The following TMEM178B variants were observed in gnomAD, a reference collection of about 807,000 sequenced individuals.
TMEM178B encodes transmembrane protein 178B.
A neutral mutation model predicts 31.0 loss-of-function variants in TMEM178B; 5 were observed. The ratio of observed to expected loss-of-function variants is 0.16; its 90% CI spans 0.08 to 0.34. TMEM178B has a LOEUF of 0.34. Among genes scored for constraint, TMEM178B ranks in the 10% least tolerant of loss-of-function variants. TMEM178B has a pLI of 1.00. For missense variants in TMEM178B, 275 were observed against 400.3 expected (o/e 0.69, Z 2.67); for synonymous variants, 164 against 164.0 (o/e 1.00, Z 0.00).
At position 141,395,314 on chromosome 7, in the gene TMEM178B, G is replaced by A. The variant is rs569279385; in HGVS notation, c.497-42294G>A. ...AAATTATCCACACTTGGTGATGAGT[G>A]CCTGTAGTCCCAGCCACTTGGGAGG... On this transcript the variant is annotated intron_variant, in intron 2 of 3. Transcript: ENST00000565468. 8.5e-4 allele frequency among the ~76,000 whole-genome samples: 130 copies of A among 152,252 alleles called. 1 individual carries two copies. Among genetic ancestry groups the A allele is most frequent in the African/African-American group, 2.9e-3 (119 of 41,558 alleles).
intron 2 of TMEM178B, among the ~76,000 whole-genome samples, chr7:141,402,884 A>G (rs1332050749): frequency 6.6e-6 from 1 of 152,226 alleles, no homozygotes; most frequent in African/African-American, 2.4e-5. Flanking sequence ...GTGGATACTT[A>G]GCTTTCCTTT....
chr7:141,487,741 CAAA>C, the TMEM178B span, among the ~76,000 whole-genome samples: 2,241 of 29,728 alleles, frequency 0.075, 19 homozygotes, highest in African/African-American at 0.16. Context: ...GACTCCGTCT[CAAA>C]AAAAAAAAAA....
intron 1 of TMEM178B, among the ~76,000 whole-genome samples, chr7:141,138,601 C>T (rs1563097625): frequency 6.6e-6 from 1 of 151,406 alleles, no homozygotes; most frequent in Admixed American, 6.6e-5. Flanking sequence ...TAATGCTGGA[C>T]TTGGGAAGCA....
At chr7:141,251,151 T>C (rs548642776) in intron 2 of TMEM178B, among the ~76,000 whole-genome samples, 1 of 152,042 alleles carries the variant, frequency 6.6e-6, no homozygotes, top group Admixed American at 6.5e-5. Context: ...CTCCTTCATC[T>C]CAAGAGGCTC....
chr7:141,446,058 G>T lies in TMEM178B; in HGVS notation c.634+8313G>T, dbSNP rs554223183. On this transcript the variant is annotated intron_variant, in intron 3 of 3. Transcript: ENST00000565468. The stretch of plus-strand genomic sequence containing the variant: ...GAGGGGGTAAGTCATGTCACTAAAA[G>T]ACATTTGAGGGAGAAGACACATTGT... Among the ~76,000 whole-genome samples the T allele has an allele frequency of 2.0e-5, 3 of 152,320 alleles. 1 individual carries two copies. Among genetic ancestry groups the T allele is most frequent in the African/African-American group, 7.2e-5 (3 of 41,570 alleles).
intron 2 of TMEM178B, among the ~76,000 whole-genome samples, chr7:141,334,564 G>A (rs552283848): frequency 6.6e-6 from 1 of 152,286 alleles, no homozygotes; most frequent in Admixed American, 6.5e-5. Flanking sequence ...ACACAACCAA[G>A]TTCCTTGGGA....
intron 2 of TMEM178B, among the ~76,000 whole-genome samples, chr7:141,388,233 A>G (rs1241712092): frequency 3.9e-5 from 6 of 152,188 alleles, no homozygotes; most frequent in Non-Finnish European, 8.8e-5. Context: ...CCAGAATGCC[A>G]GGCTCATCGT....
At chr7:141,354,071 AT>A (rs1799778828) in intron 2 of TMEM178B, among the ~76,000 whole-genome samples, 1 of 152,218 alleles carries the variant, frequency 6.6e-6, no homozygotes, top group African/African-American at 2.4e-5. Flanking sequence ...GCATCTGATT[AT>A]TTGCAAAGCA....
At chr7:141,302,067 G>A (rs957336628) in intron 2 of TMEM178B, among the ~76,000 whole-genome samples, 3 of 152,172 alleles carry the variant, frequency 2.0e-5, no homozygotes, top group African/African-American at 7.2e-5. Context: ...TCTGGAGATG[G>A]CTGATGGTGA....
the TMEM178B span, among the ~76,000 whole-genome samples, chr7:141,504,108 C>T: frequency 1.3e-5 from 2 of 152,186 alleles, no homozygotes; most frequent in African/African-American, 4.8e-5. Flanking sequence ...TTCCTCCCTC[C>T]TGATTTTTAC....
chr7:141,154,116 A>T (rs188219763), intron 1 of TMEM178B, among the ~76,000 whole-genome samples: 82 of 152,330 alleles, frequency 5.4e-4, no homozygotes, highest in Admixed American at 5.2e-3. Context: ...ACCATCTGAG[A>T]TTTATTTTTA....
At chr7:141,229,099 TG>T (rs757563862) in intron 2 of TMEM178B, among the ~76,000 whole-genome samples, 32 of 81,188 alleles carry the variant, frequency 3.9e-4, no homozygotes, top group South Asian at 3.1e-4. Context: ...TGTGTGTGTG[TG>T]GTGTGTGTGT....
intron 2 of TMEM178B, among the ~76,000 whole-genome samples, chr7:141,317,843 G>T (rs2366081): frequency 0.33 from 50,008 of 152,002 alleles, 10,190 homozygotes; most frequent in African/African-American, 0.57. Context: ...AGTCTCAATT[G>T]TTTTGATGTA....
intron 2 of TMEM178B, among the ~76,000 whole-genome samples, chr7:141,340,759 G>T (rs1799503623): frequency 6.6e-6 from 1 of 152,184 alleles, no homozygotes; most frequent in Admixed American, 6.5e-5. Flanking sequence ...CTGATCGTTT[G>T]GTGGGTCATT....
chr7:141,084,300 G>T (rs762947030), intron 1 of TMEM178B, among the ~76,000 whole-genome samples: 1 of 152,190 alleles, frequency 6.6e-6, no homozygotes, highest in Non-Finnish European at 1.5e-5. Flanking sequence ...GAAAACTAAT[G>T]AATACATCCC....
At chr7:141,325,812 G>T (rs944710124) in intron 2 of TMEM178B, among the ~76,000 whole-genome samples, 1 of 124,572 alleles carries the variant, frequency 8.0e-6, no homozygotes, top group African/African-American at 3.7e-5. Context: ...AGTCATGGAA[G>T]ACAGCCCTGG....
chr7:141,370,389 G>A (rs532236874), intron 2 of TMEM178B, among the ~76,000 whole-genome samples: 25 of 152,308 alleles, frequency 1.6e-4, no homozygotes, highest in African/African-American at 6.0e-4. Context: ...AACCACCCTG[G>A]AACATTGCTG....
intron 2 of TMEM178B, among the ~76,000 whole-genome samples, chr7:141,395,556 A>G (rs1434969228): frequency 1.3e-5 from 2 of 152,034 alleles, no homozygotes; most frequent in African/African-American, 4.8e-5. Flanking sequence ...CTGGTTGGTT[A>G]CTCTCTTCTT....
intron 1 of TMEM178B, among the ~76,000 whole-genome samples, chr7:141,093,759 A>G (rs529427804): frequency 1.3e-5 from 2 of 152,224 alleles, no homozygotes; most frequent in South Asian, 2.1e-4. Context: ...AATGAAGAAA[A>G]TATGTTAAGG....
Sources: allele counts gnomAD v4.1 joint callset (sites outside exome capture counted in the v4.1 genomes callset), GRCh38; gene constraint gnomAD v4.1.1; transcripts MANE v1.5; gene names NCBI Gene and HGNC (gene_info 2026-07-23, HGNC 2026-07-21).